The following L3MBTL4 variants were observed in gnomAD, a reference collection of about 807,000 sequenced individuals.
L3MBTL4 encodes lethal(3)malignant brain tumor-like protein 4.
A neutral mutation model predicts 84.5 loss-of-function variants in L3MBTL4; 70 were observed. The ratio of observed to expected loss-of-function variants is 0.83; its 90% confidence interval spans 0.68 to 1.01. The LOEUF (loss-of-function observed/expected upper bound fraction) is 1.01. L3MBTL4 is among the 50% of genes least tolerant of loss of function. The pLI is 0.00. For synonymous variants in L3MBTL4, 274 were observed against 259.8 expected (o/e 1.05, Z -0.52); for missense variants, 715 against 754.8 (o/e 0.95, Z 0.62).
chr18:6,140,925 C>G (rs1166193481), intron 13 of L3MBTL4, among the ~76,000 whole-genome samples: 1 of 151,826 alleles, frequency 6.6e-6, no homozygotes, highest in East Asian at 2.0e-4. Context: ...TCACCACACA[C>G]TGGGACCTAG....
chr18:6,252,873 T>C (rs2047984452), intron 5 of L3MBTL4, among the ~76,000 whole-genome samples: 1 of 152,240 alleles, frequency 6.6e-6, no homozygotes, highest in Non-Finnish European at 1.5e-5. Context: ...ATCTGCCATA[T>C]GCCATGTACA....
intron 5 of L3MBTL4, among the ~76,000 whole-genome samples, chr18:6,261,811 T>C (rs1437675369): frequency 6.6e-6 from 1 of 152,160 alleles, no homozygotes; most frequent in African/African-American, 2.4e-5. Flanking sequence ...AGCTCTAGAA[T>C]AATGTTAATA....
intron 1 of L3MBTL4, among the ~76,000 whole-genome samples, chr18:6,375,978 C>A (rs2054351174): frequency 6.6e-6 from 1 of 152,200 alleles, no homozygotes; most frequent in African/African-American, 2.4e-5. Flanking sequence ...GCTAAGAACT[C>A]ATCCCTGCCC....
intron 17 of L3MBTL4, 38 bp downstream of exon 17, chr18:5,969,355 G>A (rs769217376): frequency 1.2e-6 from 2 of 1,609,376 alleles, no homozygotes; most frequent in African/African-American, 1.3e-5. Flanking sequence ...TCAGCAGCAG[G>A]CACACCCCAG....
At chr18:6,190,555 T>C (rs2045026036) in intron 12 of L3MBTL4, among the ~76,000 whole-genome samples, 1 of 152,220 alleles carries the variant, frequency 6.6e-6, no homozygotes, top group Admixed American at 6.5e-5. Context: ...TATTCATGTA[T>C]TCATTTAAGC....
chr18:6,342,272 A>G (rs546900844), intron 1 of L3MBTL4, among the ~76,000 whole-genome samples: 7 of 152,308 alleles, frequency 4.6e-5, no homozygotes, highest in African/African-American at 1.7e-4. Context: ...AATCACTTTT[A>G]CTCTACTATA....
At chr18:6,166,286 C>T (rs1353965182) in intron 13 of L3MBTL4, among the ~76,000 whole-genome samples, 2 of 152,170 alleles carry the variant, frequency 1.3e-5, no homozygotes, top group Admixed American at 1.3e-4. Flanking sequence ...AGAAAGTTAA[C>T]AAGGATATCC....
chr18:6,346,103 A>AATATATATATATATAT (rs34294575), intron 1 of L3MBTL4, among the ~76,000 whole-genome samples: 8 of 129,820 alleles, frequency 6.2e-5, no homozygotes, highest in African/African-American at 1.4e-4. Context: ...ATGATGTTGG[A>AATATATATATATATAT]ATATATATAT....
intron 16 of L3MBTL4, among the ~76,000 whole-genome samples, chr18:6,026,472 C>T (rs2055508886): frequency 6.6e-6 from 1 of 152,188 alleles, no homozygotes; most frequent in East Asian, 1.9e-4. Flanking sequence ...AAGTGGTAGA[C>T]AATAAGCTGT....
At chr18:6,093,856 G>C (rs139180101) in intron 14 of L3MBTL4, among the ~76,000 whole-genome samples, 182 of 152,314 alleles carry the variant, frequency 1.2e-3, no homozygotes, top group African/African-American at 4.2e-3. Context: ...ACTTAACTCA[G>C]TTTGTATCCT....
At chr18:6,080,647 T>C (rs1207608175) in intron 16 of L3MBTL4, among the ~76,000 whole-genome samples, 2 of 152,176 alleles carry the variant, frequency 1.3e-5, no homozygotes, top group African/African-American at 4.8e-5. Context: ...GTGGGGACCA[T>C]AGAGATCATA....
At chr18:6,122,156 T>C (rs115795482) in intron 14 of L3MBTL4, among the ~76,000 whole-genome samples, 211 of 152,336 alleles carry the variant, frequency 1.4e-3, no homozygotes, top group African/African-American at 4.8e-3. Flanking sequence ...TTAAATAATA[T>C]ATGTGAAAAC....
chr18:6,065,666 T>C (rs1033037989), intron 16 of L3MBTL4, among the ~76,000 whole-genome samples: 1 of 152,030 alleles, frequency 6.6e-6, no homozygotes, highest in African/African-American at 2.4e-5. Context: ...TTGAATGATA[T>C]TTTGTGTTTC....
chr18:6,116,547 A>T (rs1287474718), intron 14 of L3MBTL4, among the ~76,000 whole-genome samples: 2 of 151,970 alleles, frequency 1.3e-5, no homozygotes, highest in Non-Finnish European at 2.9e-5. Flanking sequence ...TATTTTTAGC[A>T]GAGACAGGGT....
At chr18:6,072,880 AAATATATATATATATATATAT>A (rs2057722355) in intron 16 of L3MBTL4, among the ~76,000 whole-genome samples, 1 of 43,244 alleles carries the variant, frequency 2.3e-5, no homozygotes, top group Non-Finnish European at 4.6e-5. Context: ...AAAAAAAAAA[AAATATATATATATATATATAT>A]ATATATATAT....
At chr18:6,208,133 A>G (rs1189515102) in intron 12 of L3MBTL4, among the ~76,000 whole-genome samples, 3 of 150,898 alleles carry the variant, frequency 2.0e-5, no homozygotes, top group Non-Finnish European at 3.0e-5. Flanking sequence ...ATAAATAAAT[A>G]AATAAATAAA....
intron 1 of L3MBTL4, among the ~76,000 whole-genome samples, chr18:6,341,509 T>C (rs2052608814): frequency 6.7e-6 from 1 of 149,142 alleles, no homozygotes; most frequent in South Asian, 2.1e-4. Context: ...AACTGAGAGC[T>C]TCAATGGCAG....
chr18:6,171,331 C>T (rs898540113), intron 13 of L3MBTL4, among the ~76,000 whole-genome samples: 2 of 152,120 alleles, frequency 1.3e-5, no homozygotes, highest in African/African-American at 4.8e-5. Context: ...TTAATTTCCT[C>T]CTTAACTTTA....
At chr18:6,284,442 C>G (rs1009532043) in intron 4 of L3MBTL4, among the ~76,000 whole-genome samples, 1 of 152,132 alleles carries the variant, frequency 6.6e-6, no homozygotes, top group Non-Finnish European at 1.5e-5. Flanking sequence ...AAGCCAAAGA[C>G]GAGGCCAAGC....
Sources: allele counts gnomAD v4.1 joint callset (sites outside exome capture counted in the v4.1 genomes callset), GRCh38; gene constraint gnomAD v4.1.1; transcripts MANE v1.5; gene names NCBI Gene and HGNC (gene_info 2026-07-23, HGNC 2026-07-21).